The following RANBP2 variants were observed in gnomAD, a reference collection of about 807,000 sequenced individuals.
RANBP2 encodes RAN binding protein 2, also known as E3 SUMO-protein ligase RanBP2.
A neutral mutation model predicts 303.6 loss-of-function variants in RANBP2; 57 were observed. That is an observed-to-expected ratio of 0.19 (90% CI 0.15 to 0.23). The LOEUF (loss-of-function observed/expected upper bound fraction) is 0.23. RANBP2 is among the 10% of genes least tolerant of loss of function. The pLI is 1.00. For missense variants in RANBP2, 3,138 were observed against 3,780.8 expected (o/e 0.83, Z 4.46); for synonymous variants, 1,167 against 1,301.5 (o/e 0.90, Z 2.23).
chr2:109,264,466 C>G, the RANBP2 span, among the ~76,000 whole-genome samples: 3 of 152,286 alleles, frequency 2.0e-5, no homozygotes, highest in Non-Finnish European at 4.4e-5. Flanking sequence ...ATCTACCTCC[C>G]TATATGTCCT....
At chr2:108,846,480 A>T in the RANBP2 span, among the ~76,000 whole-genome samples, 1 of 151,376 alleles carries the variant, frequency 6.6e-6, no homozygotes, top group East Asian at 1.9e-4. Flanking sequence ...AGAGTTCGAG[A>T]CCAGCCTCAG....
chr2:109,184,527 G>C, the RANBP2 span, among the ~76,000 whole-genome samples: 1 of 152,180 alleles, frequency 6.6e-6, no homozygotes, highest in South Asian at 2.1e-4. Context: ...GATAGAGCTG[G>C]GCTGGGAGGC....
the RANBP2 span, among the ~76,000 whole-genome samples, chr2:108,792,682 C>T: frequency 5.3e-5 from 8 of 152,140 alleles, no homozygotes; most frequent in Non-Finnish European, 1.0e-4. Context: ...TTTACTTCTC[C>T]GTTGTCTGTT....
chr2:108,833,669 G>C, the RANBP2 span, among the ~76,000 whole-genome samples: 1 of 150,832 alleles, frequency 6.6e-6, no homozygotes, highest in African/African-American at 2.4e-5. Flanking sequence ...AATAAGAAAC[G>C]AAACAAATTT....
the RANBP2 span, among the ~76,000 whole-genome samples, chr2:109,105,801 C>T: frequency 6.6e-6 from 1 of 151,198 alleles, no homozygotes; most frequent in Non-Finnish European, 1.5e-5. Flanking sequence ...ATGATCCACC[C>T]ATCTTGGCCT....
At chr2:108,931,014 T>A in the RANBP2 span, 1 of 1,613,966 alleles carries the variant, frequency 6.2e-7, no homozygotes, top group South Asian at 1.1e-5. Flanking sequence ...ACATGGGCCA[T>A]CCTCTCCCAA....
At chr2:108,873,177 C>T in the RANBP2 span, among the ~76,000 whole-genome samples, 1 of 152,096 alleles carries the variant, frequency 6.6e-6, no homozygotes, top group Non-Finnish European at 1.5e-5. Flanking sequence ...AAATAGCTTT[C>T]CTCCTTTCTT....
At chr2:109,245,697 A>C in the RANBP2 span, among the ~76,000 whole-genome samples, 2 of 152,318 alleles carry the variant, frequency 1.3e-5, no homozygotes, top group East Asian at 3.9e-4. Flanking sequence ...TCTCTCTGAA[A>C]TTGGCCACAA....
At chr2:109,004,202 A>G in the RANBP2 span, among the ~76,000 whole-genome samples, 1 of 152,154 alleles carries the variant, frequency 6.6e-6, no homozygotes, top group Non-Finnish European at 1.5e-5. Flanking sequence ...TCGTAAACCA[A>G]GTTTCCTGAA....
chr2:109,629,337 ATATATATATATATATATATTTTTTT>A, the RANBP2 span, among the ~76,000 whole-genome samples: 15 of 10,136 alleles, frequency 1.5e-3, no homozygotes, highest in African/African-American at 5.6e-3. Flanking sequence ...ATATATATAT[ATATATATATATATATATATTTTTTT>A]TTTTTTTTTC....
intron 20 of RANBP2, among the ~76,000 whole-genome samples, chr2:108,769,020 T>G (rs1677308097): frequency 6.6e-6 from 1 of 150,678 alleles, no homozygotes; most frequent in South Asian, 2.1e-4. Context: ...ACTGAGTGAC[T>G]GAGACTTTGT....
the RANBP2 span, among the ~76,000 whole-genome samples, chr2:109,639,573 T>C: frequency 1.3e-5 from 2 of 151,662 alleles, no homozygotes; most frequent in Non-Finnish European, 2.9e-5. Context: ...GAGCCGAGAT[T>C]GCACCACTGC....
At chr2:109,071,700 A>G in the RANBP2 span, among the ~76,000 whole-genome samples, 1 of 151,858 alleles carries the variant, frequency 6.6e-6, no homozygotes, top group Non-Finnish European at 1.5e-5. Flanking sequence ...TTATGTAGAG[A>G]TGTTAGGTTG....
In RANBP2 at chr2:108,782,720, C is replaced by T; in HGVS notation, c.9227C>T (p.Pro3076Leu). 6.2e-7 allele frequency: 1 copy of T among 1,614,188 alleles called. No homozygotes were observed. Among genetic ancestry groups the T allele is most frequent in the Non-Finnish European group, 8.5e-7 (1 of 1,180,032 alleles). The change falls in exon 28 of 29, where the codon CCT becomes CTT. Residue 3076 changes from proline to leucine, a missense_variant. Physicochemically the swap from Pro to Leu is moderately conservative, Grantham distance 98 (BLOSUM62 -3). Coordinates refer to ENST00000283195, the MANE Select transcript of RANBP2 (RefSeq NM_006267.5). Reference protein sequence around the residue: ...VFFDVCADGEPLGRITMELFS... With the variant: ...VFFDVCADGELLGRITMELFS... ...TTTGATGTTTGTGCGGACGGTGAAC[C>T]TCTAGGGCGGATAACTATGGAATTA...
At chr2:108,891,188 A>G in the RANBP2 span, among the ~76,000 whole-genome samples, 3,036 of 152,250 alleles carry the variant, frequency 0.02, 98 homozygotes, top group African/African-American at 0.07. Context: ...ATTAAGATCT[A>G]TTGCTTGAGA....
At chr2:109,428,021 C>T in the RANBP2 span, among the ~76,000 whole-genome samples, 1 of 152,232 alleles carries the variant, frequency 6.6e-6, no homozygotes, top group Admixed American at 6.5e-5. Flanking sequence ...AGGACTTACC[C>T]AGCCCTCCCC....
At chr2:108,927,487 G>A in the RANBP2 span, among the ~76,000 whole-genome samples, 1 of 152,152 alleles carries the variant, frequency 6.6e-6, no homozygotes, top group African/African-American at 2.4e-5. Flanking sequence ...AACCAAGCAC[G>A]TGGTCTTCAG....
chr2:108,936,339 G>A, the RANBP2 span, among the ~76,000 whole-genome samples: 2 of 152,240 alleles, frequency 1.3e-5, no homozygotes, highest in African/African-American at 4.8e-5. Flanking sequence ...GGCTTGCCAC[G>A]CCTGGGTTGA....
the RANBP2 span, chr2:109,614,532 C>T: frequency 2.3e-6 from 3 of 1,286,832 alleles, no homozygotes; most frequent in Non-Finnish European, 2.9e-6. Context: ...GGCGCTGGGC[C>T]CCGAGGCGGT....
Sources: gnomAD v4.1 joint callset for allele counts (sites outside exome capture counted in the v4.1 genomes callset) on GRCh38, gnomAD v4.1.1 for gene constraint, MANE v1.5 for transcripts, NCBI Gene and HGNC (gene_info 2026-07-23, HGNC 2026-07-21) for gene names.